The following CCNT2 variants were observed in gnomAD, a reference collection of about 807,000 sequenced individuals.
CCNT2 encodes the protein cyclin-T2.
Under a neutral mutation model 70.0 loss-of-function variants are expected in CCNT2, and 18 were observed. The observed-to-expected ratio is 0.26, with a 90% CI of 0.18 to 0.38. CCNT2 has a LOEUF of 0.38. Among genes scored for constraint, CCNT2 ranks in the 10% least tolerant of loss-of-function variants. The pLI, the probability that CCNT2 is intolerant of heterozygous loss-of-function variation, is 1.00. For synonymous variants in CCNT2, 334 were observed against 313.3 expected (o/e 1.07, Z -0.70); for missense variants, 734 against 890.2 (o/e 0.82, Z 2.23).
chr2:134,928,905 C>T (rs1680509902), intron 2 of CCNT2, among the ~76,000 whole-genome samples: 1 of 152,112 alleles, frequency 6.6e-6, no homozygotes, highest in African/African-American at 2.4e-5. Flanking sequence ...CCAGGTATTT[C>T]CACACCCCCA....
intron 2 of CCNT2, among the ~76,000 whole-genome samples, chr2:134,929,511 G>A (rs957636923): frequency 1.2e-4 from 18 of 151,582 alleles, no homozygotes; most frequent in African/African-American, 4.4e-4. Context: ...GGGAGGCTGA[G>A]GCAGGAAAAT....
rs1457952245 is a variant in CCNT2, at chr2:134,953,980, A to T, written c.1525A>T (p.Ile509Phe). 1.2e-6 allele frequency: 2 copies of T among 1,614,066 alleles called. No homozygotes were observed. The highest frequency in any genetic ancestry group is 1.7e-6 in the Non-Finnish European group (2 of 1,180,026). ...KEKSGSLKLR[I>F]PIPPTDKSAS... ...AAAGAGTGGGTCACTGAAATTACGG[A>T]TTCCAATACCACCCACTGATAAAAG... is the stretch of plus-strand genomic sequence containing the variant. Residue 509 changes from isoleucine to phenylalanine, a missense_variant, in exon 9 of 9, where the codon ATT (isoleucine) becomes TTT (phenylalanine). Ile to Phe is a conservative substitution (Grantham distance 21, BLOSUM62 0). Coordinates refer to ENST00000264157, the MANE Select transcript of CCNT2 (RefSeq NM_058241.3).
intron 2 of CCNT2, among the ~76,000 whole-genome samples, chr2:134,930,535 G>A (rs1157516288): frequency 2.0e-5 from 3 of 152,146 alleles, no homozygotes; most frequent in Non-Finnish European, 1.5e-5. Flanking sequence ...GGAATTGCTG[G>A]ATTGGTATGG....
At chr2:134,938,687 T>A (rs1318369324) in intron 3 of CCNT2, among the ~76,000 whole-genome samples, 1 of 152,216 alleles carries the variant, frequency 6.6e-6, no homozygotes, top group African/African-American at 2.4e-5. Flanking sequence ...GTCTTTAATA[T>A]CTCTTGAAGC....
At chr2:134,933,367 T>C (rs1010741488) in intron 2 of CCNT2, among the ~76,000 whole-genome samples, 1 of 152,180 alleles carries the variant, frequency 6.6e-6, no homozygotes, top group African/African-American at 2.4e-5. Flanking sequence ...ACCCAGACTT[T>C]TTGTTAACTC....
At chr2:134,938,459 G>T (rs1321584386) in intron 3 of CCNT2, among the ~76,000 whole-genome samples, 1 of 152,124 alleles carries the variant, frequency 6.6e-6, no homozygotes. Context: ...GAATAAGGAG[G>T]TTCTCTGGTA....
Position 134,958,047 on chromosome 2 carries a change from G to C in CCNT2, c.*3399G>C, listed in dbSNP as rs994766530. The C allele has an allele frequency of 1.3e-5, 2 of 152,080 alleles. No homozygotes were observed. Among genetic ancestry groups the C allele is most frequent in the Non-Finnish European group, 2.9e-5 (2 of 67,998 alleles). 9.4% of individuals were successfully genotyped at this position (152,080 alleles called of 1,614,324 possible). A position where few individuals can be genotyped will look rare whatever the true frequency, so the allele number is the denominator to read the frequency against. ...TTCAAGCACATTTTCTTTTCTATTT[G>C]AGAACTTAAATTGCTGACTTGTATT... On this transcript the variant is annotated 3_prime_UTR_variant, in exon 9 of 9. Coordinates refer to ENST00000264157, the MANE Select transcript of CCNT2 (RefSeq NM_058241.3).
At chr2:134,924,764 T>G (rs1680158110) in intron 2 of CCNT2, among the ~76,000 whole-genome samples, 1 of 152,172 alleles carries the variant, frequency 6.6e-6, no homozygotes, top group Non-Finnish European at 1.5e-5. Context: ...ATTCTTACTC[T>G]AATCACTTTC....
At chr2:134,926,469 TCTTGGAAGAGAAC>T (rs1680309077) in intron 2 of CCNT2, among the ~76,000 whole-genome samples, 1 of 152,112 alleles carries the variant, frequency 6.6e-6, no homozygotes, top group South Asian at 2.1e-4. Flanking sequence ...CAAACTGGAG[TCTTGGAAGAGAAC>T]CTTGGAAGAT....
At chr2:134,925,775 C>T (rs1007280147) in intron 2 of CCNT2, among the ~76,000 whole-genome samples, 2 of 150,466 alleles carry the variant, frequency 1.3e-5, no homozygotes, top group Non-Finnish European at 3.0e-5. Context: ...TTTTTGGTTT[C>T]TCTTGGGCTT....
In CCNT2 at chr2:134,954,792, TGAAAA is replaced by T; in HGVS notation, c.*148_*152del. 6 of 604,512 alleles carry T rather than the reference TGAAAA, an allele frequency of 9.9e-6. No homozygotes were observed. Among genetic ancestry groups the T allele is most frequent in the East Asian group, 2.7e-5 (1 of 36,374 alleles). 37.4% of individuals were successfully genotyped at this position (604,512 alleles called of 1,614,324 possible). ...GTAAGTGCTGCTTTATTCTTCATTC[TGAAAA>T]GAAGAGATTATAGTAAACAAGTCTT... On this transcript the variant is annotated 3_prime_UTR_variant, in exon 9 of 9. Coordinates refer to ENST00000264157, the MANE Select transcript of CCNT2 (RefSeq NM_058241.3).
chr2:134,932,927 A>G (rs1211202718), intron 2 of CCNT2, among the ~76,000 whole-genome samples: 10 of 152,242 alleles, frequency 6.6e-5, no homozygotes. Context: ...TTAGCAAGAA[A>G]GTTCCAATTT....
intron 8 of CCNT2, 35 bp from the exon 9 acceptor site, chr2:134,953,195 T>C (rs1268312328): frequency 6.9e-7 from 1 of 1,440,566 alleles, no homozygotes; most frequent in Admixed American, 2.0e-5. Flanking sequence ...ATTATTTTGC[T>C]ATATCACTGC....
At chr2:134,950,971 A>G (rs1682456154) in intron 7 of CCNT2, among the ~76,000 whole-genome samples, 2 of 152,232 alleles carry the variant, frequency 1.3e-5, no homozygotes, top group Admixed American at 6.5e-5. Flanking sequence ...TTTTACAACC[A>G]AGTTGTTAAC....
Position 134,954,536 on chromosome 2 carries a change from C to T in CCNT2, c.2081C>T (p.Thr694Ile). 6.2e-7 allele frequency: 1 copy of T among 1,614,048 alleles called. No homozygotes were observed. The highest frequency in any genetic ancestry group is 1.1e-5 in the South Asian group (1 of 91,080). ...LVKLDKKPVETNGPDANHEYS... is the reference protein window; with the variant it reads ...LVKLDKKPVEINGPDANHEYS... ...AAACTGGACAAGAAGCCAGTGGAGA[C>T]CAACGGTCCTGATGCCAATCACGAG... The change falls in exon 9 of 9, where the codon ACC (threonine) becomes ATC (isoleucine). Residue 694 changes from threonine (T) to isoleucine (I), a missense_variant. Physicochemically the swap from Thr to Ile is moderately conservative, Grantham distance 89. Around this residue, in one of 3 missense-constraint regions of CCNT2, gnomAD observed 532 missense variants for 556.9 expected, o/e 0.96. Coordinates refer to ENST00000264157, the MANE Select transcript of CCNT2 (RefSeq NM_058241.3).
At chr2:134,929,795 C>T (rs1680602042) in intron 2 of CCNT2, among the ~76,000 whole-genome samples, 1 of 151,384 alleles carries the variant, frequency 6.6e-6, no homozygotes, top group Non-Finnish European at 1.5e-5. Context: ...GGATTACAGG[C>T]ATGCACCACC....
intron 2 of CCNT2, among the ~76,000 whole-genome samples, chr2:134,931,262 C>CTTTTTTGGTTTTTTTTTTTTTTTTTTT (rs1680738435): frequency 2.4e-5 from 1 of 42,418 alleles, no homozygotes. Context: ...ATGCCCGGAT[C>CTTTTTTGGTTTTTTTTTTTTTTTTTTT]TTTTTTTTTT....
intron 3 of CCNT2, 108 bp downstream of exon 3, chr2:134,937,077 C>A: frequency 3.0e-6 from 2 of 677,952 alleles, no homozygotes; most frequent in Non-Finnish European, 4.8e-6. Context: ...CCAAATGCTG[C>A]TTGTTTTATT....
intron 7 of CCNT2, among the ~76,000 whole-genome samples, chr2:134,951,059 C>G (rs1248067707): frequency 7.1e-6 from 1 of 140,464 alleles, no homozygotes; most frequent in Non-Finnish European, 1.5e-5. Flanking sequence ...CTTTTTTTTT[C>G]AAATGAGGAA....
Sources: allele counts gnomAD v4.1 joint callset (sites outside exome capture counted in the v4.1 genomes callset), GRCh38; gene constraint gnomAD v4.1.1; regional missense constraint gnomAD v4.1.1; transcripts MANE v1.5; gene names NCBI Gene and HGNC (gene_info 2026-07-23, HGNC 2026-07-21).